Variants in HPS1 observed in about 807,000 individuals in gnomAD.
The protein encoded by HPS1 is BLOC-3 complex member HPS1.
A neutral mutation model predicts 90.6 loss-of-function variants in HPS1; 59 were observed. The ratio of observed to expected loss-of-function variants is 0.65; its 90% CI spans 0.53 to 0.81. The LOEUF (loss-of-function observed/expected upper bound fraction) is 0.81. HPS1 is among the 30% of genes least tolerant of loss of function. The pLI is 0.00. For missense variants in HPS1, 849 were observed against 896.7 expected (o/e 0.95, Z 0.68); for synonymous variants, 388 against 384.4 (o/e 1.01, Z -0.11).
At chr10:98,438,536 T>G (rs1937795263) in intron 3 of HPS1, among the ~76,000 whole-genome samples, 1 of 152,140 alleles carries the variant, frequency 6.6e-6, no homozygotes, top group African/African-American at 2.4e-5. Context: ...AGAGATGATT[T>G]GGGGTGGAAG....
intron 2 of HPS1, among the ~76,000 whole-genome samples, chr10:98,443,630 T>C (rs1400639794): frequency 6.6e-6 from 1 of 152,216 alleles, no homozygotes; most frequent in Admixed American, 6.5e-5. Flanking sequence ...TGGAGCCGAA[T>C]GCCCAGGGAG....
chr10:98,428,491 TAGAAGTATTCA>T (rs1845901042), intron 10 of HPS1, among the ~76,000 whole-genome samples: 1 of 152,214 alleles, frequency 6.6e-6, no homozygotes. Flanking sequence ...GAAAATTTCC[TAGAAGTATTCA>T]CACCTGGGTC....
intron 11 of HPS1, among the ~76,000 whole-genome samples, chr10:98,426,400 T>G (rs1845608772): frequency 6.6e-6 from 1 of 152,186 alleles, no homozygotes; most frequent in Admixed American, 6.5e-5. Context: ...GCCACTCAAA[T>G]TGGGGAAACT....
downstream of HPS1, chr10:98,414,688 A>G (rs1249644179): frequency 4.2e-6 from 1 of 240,042 alleles, no homozygotes; most frequent in Non-Finnish European, 8.0e-6. Flanking sequence ...TGTGGTGGAA[A>G]CTAGGTCACT....
intron 2 of HPS1, among the ~76,000 whole-genome samples, chr10:98,444,080 CAGA>C (rs1938992780): frequency 6.6e-6 from 1 of 151,734 alleles, no homozygotes; most frequent in South Asian, 2.1e-4. Flanking sequence ...AAAACAGCTC[CAGA>C]AGATGAGCCT....
chr10:98,421,209 T>C (rs1165524498), intron 17 of HPS1, among the ~76,000 whole-genome samples: 3 of 152,246 alleles, frequency 2.0e-5, no homozygotes, highest in African/African-American at 4.8e-5. Context: ...CTGCCATGGA[T>C]TGACTGTACT....
At chr10:98,419,597 C>T (rs937869625) in intron 18 of HPS1, among the ~76,000 whole-genome samples, 2 of 152,206 alleles carry the variant, frequency 1.3e-5, no homozygotes, top group African/African-American at 2.4e-5. Context: ...GGGCCCCGAG[C>T]CACACCACCA....
chr10:98,419,346 G>A (rs893502924), intron 18 of HPS1, among the ~76,000 whole-genome samples: 2 of 152,118 alleles, frequency 1.3e-5, no homozygotes, highest in Non-Finnish European at 2.9e-5. Context: ...GGTGACAAGC[G>A]AGATGCAAAT....
chr10:98,415,179 G>A (rs183606756), downstream of HPS1: 12 of 1,600,376 alleles, frequency 7.5e-6, no homozygotes, highest in African/African-American at 8.0e-5. Context: ...GTTTGCTAGC[G>A]ATTGGCTTTT....
intron 5 of HPS1, 96 bp from the exon 6 acceptor site, chr10:98,434,187 C>T: frequency 7.7e-7 from 1 of 1,306,244 alleles, no homozygotes; most frequent in Admixed American, 2.1e-5. Context: ...AGCATCAGAG[C>T]TTGGTGAGCC....
Position 98,423,919 on chromosome 10 carries a change from A to T in HPS1, c.1398-32T>A. 3.1e-6 allele frequency: 5 copies of T among 1,611,390 alleles called. No homozygotes were observed. The South Asian group carries it at 5.5e-5, about 18-fold the overall frequency. On this transcript the variant is annotated intron_variant, in intron 14 of 19. Coordinates refer to ENST00000361490, the MANE Select transcript of HPS1 (RefSeq NM_000195.5). ...ACGAGAGAGGAGGGCATTACAGCAGAAGGGACCTAGGGGAGCCCCTCGCCC... is the reference window on the plus strand; with the variant it reads ...ACGAGAGAGGAGGGCATTACAGCAGTAGGGACCTAGGGGAGCCCCTCGCCC...
intron 18 of HPS1, among the ~76,000 whole-genome samples, chr10:98,419,027 G>A (rs1039066883): frequency 1.3e-5 from 2 of 152,224 alleles, no homozygotes; most frequent in Non-Finnish European, 2.9e-5. Flanking sequence ...TTACAGCCTC[G>A]GTGGCCCTGG....
At chr10:98,430,450 A>AC (rs764902200) in intron 8 of HPS1, 121 bp downstream of exon 8, 68 of 768,302 alleles carry the variant, frequency 8.9e-5, no homozygotes, top group African/African-American at 3.3e-4. Context: ...CCAACCACAC[A>AC]CCCAGAATTG....
chr10:98,417,907 C>T lies in HPS1; in HGVS notation c.1941-181G>A, dbSNP rs900103576. 6.6e-6 allele frequency among the ~76,000 whole-genome samples: 1 copy of T among 152,164 alleles called. No homozygotes were observed. Among genetic ancestry groups the T allele is most frequent in the African/African-American group, 2.4e-5 (1 of 41,432 alleles). ...TGACCTAACAGTGGCATCCTGGCTA[C>T]GAGGTAGCAGTGGGGATGTTCTGGG... On this transcript the variant is annotated intron_variant, in intron 19 of 19. Coordinates refer to ENST00000361490, the MANE Select transcript of HPS1 (RefSeq NM_000195.5). The surrounding 1 kb of genome is among the most constrained non-coding windows in gnomAD (Gnocchi z 4.2).
rs371895146 is a variant in HPS1 at position 98,422,553 on chromosome 10, G to C, written c.1599-40C>G. 2.0e-4 allele frequency: 323 copies of C among 1,607,136 alleles called. 1 individual carries two copies. Among genetic ancestry groups the C allele is most frequent in the Admixed American group, 9.7e-4 (58 of 60,018 alleles). On this transcript the variant is annotated intron_variant, in intron 16 of 19. Coordinates refer to ENST00000361490, the MANE Select transcript of HPS1 (RefSeq NM_000195.5). Reference sequence around the variant, plus strand: ...TAAGGTGCTTACAAGCCAGGAGCTAGGGACGGCCTGCCTCTGTCCTGGGCT... The same window carrying C: ...TAAGGTGCTTACAAGCCAGGAGCTACGGACGGCCTGCCTCTGTCCTGGGCT...
At chr10:98,433,701 G>C (rs2136235646) in intron 6 of HPS1, among the ~76,000 whole-genome samples, 1 of 152,310 alleles carries the variant, frequency 6.6e-6, no homozygotes, top group Non-Finnish European at 1.5e-5. Context: ...AAAAGGAGGG[G>C]AGGGTTGAAG....
Position 98,435,663 on chromosome 10 carries a change from T to C in HPS1, c.227A>G (p.Asn76Ser). The change falls in exon 4 of 20, where the codon AAT (asparagine) becomes AGT (serine). Residue 76 changes from asparagine to serine, a missense_variant. Transcript: ENST00000361490. This position sits in a 1 kb window ranked among gnomAD's most constrained non-coding sequence, Gnocchi z 4.3. Reference sequence around the variant, plus strand: ...GTGAAGGACATACAGGAAGTTGCCATTTTCCGTGGAGAAGCAGGTGTAGGT... The same window carrying C: ...GTGAAGGACATACAGGAAGTTGCCACTTTCCGTGGAGAAGCAGGTGTAGGT... ...SDTYTCFSTE[N>S]GNFLYVLHLF... The C allele has an allele frequency of 1.9e-6, 3 of 1,614,132 alleles. No individual in the cohort carries two copies. The highest frequency in any genetic ancestry group is 2.5e-6 in the Non-Finnish European group (3 of 1,180,020).
At chr10:98,424,038 C>A (rs1591042663) in intron 14 of HPS1, 151 bp from the exon 15 acceptor site, 2 of 1,042,924 alleles carry the variant, frequency 1.9e-6, no homozygotes, top group Non-Finnish European at 1.4e-6. Flanking sequence ...CAGGACAGAC[C>A]AACCTGGGGA....
chr10:98,433,933 CT>C (rs1564856467), intron 6 of HPS1, 49 bp downstream of exon 6: 1 of 1,548,728 alleles, frequency 6.5e-7, no homozygotes, highest in Non-Finnish European at 8.7e-7. Context: ...TGGACGCCCC[CT>C]CTGACCTGAC....
Sources: allele counts gnomAD v4.1 joint callset (sites outside exome capture counted in the v4.1 genomes callset), GRCh38; gene constraint gnomAD v4.1.1; non-coding constraint Gnocchi (gnomAD v3.1); transcripts MANE v1.5; gene names NCBI Gene and HGNC (gene_info 2026-07-23, HGNC 2026-07-21).